Variants in SEMA3A observed in about 807,000 individuals in gnomAD.
SEMA3A encodes the protein semaphorin 3A, also known as semaphorin-3A.
A neutral mutation model predicts 97.9 loss-of-function variants in SEMA3A; 29 were observed. That is an observed-to-expected ratio of 0.30 (90% CI 0.22 to 0.40). The LOEUF is 0.40. Among genes scored for constraint, SEMA3A ranks in the 10% least tolerant of loss-of-function variants. The pLI, the probability that SEMA3A is intolerant of heterozygous loss-of-function variation, is 1.00. For missense variants in SEMA3A, 763 were observed against 951.3 expected (o/e 0.80, Z 2.60); for synonymous variants, 321 against 323.7 (o/e 0.99, Z 0.09).
At chr7:84,316,130 C>CAAAAAAAAAAA (rs202005657) in intron 2 of SEMA3A, among the ~76,000 whole-genome samples, 1 of 30,226 alleles carries the variant, frequency 3.3e-5, no homozygotes, top group African/African-American at 1.0e-4. Context: ...GACTCTATCT[C>CAAAAAAAAAAA]AAAAAAAAAA....
At chr7:83,985,617 C>T (rs958748818) in intron 12 of SEMA3A, 140 bp from the exon 13 acceptor site, 2 of 694,704 alleles carry the variant, frequency 2.9e-6, no homozygotes, top group African/African-American at 3.6e-5. Flanking sequence ...GGAAATAAGA[C>T]ACATAAAGAA....
chr7:84,045,374 G>T lies in SEMA3A; in HGVS notation c.667+950C>A, dbSNP rs1792307894. On this transcript the variant is annotated intron_variant, in intron 6 of 16. Coordinates refer to ENST00000265362, the MANE Select transcript of SEMA3A (RefSeq NM_006080.3). The stretch of plus-strand genomic sequence containing the variant: ...ATACAAGCAGGAAAAAATTCATGGA[G>T]GGATAATTGGAGATTGGGTGGCTTT... Among the ~76,000 whole-genome samples, 6 of 151,780 alleles carry T rather than the reference G, an allele frequency of 4.0e-5. No individual in the cohort carries two copies. The South Asian group carries it at 1.2e-3, about 31-fold the overall frequency.
At chr7:84,185,692 G>GAAAAAAAAAAA (rs71078810) in intron 1 of SEMA3A, among the ~76,000 whole-genome samples, 2 of 78,132 alleles carry the variant, frequency 2.6e-5, no homozygotes, top group African/African-American at 5.4e-5. Flanking sequence ...ACTCTGGCAG[G>GAAAAAAAAAAA]AAAAAAAAAA....
chr7:84,277,228 C>T (rs1263759011), intron 3 of SEMA3A, among the ~76,000 whole-genome samples: 1 of 151,824 alleles, frequency 6.6e-6, no homozygotes, highest in Non-Finnish European at 1.5e-5. Flanking sequence ...TTTCCAGTTG[C>T]AAATATTATT....
At chr7:84,397,893 T>TATTTAA (rs1452693734) in intron 1 of SEMA3A, among the ~76,000 whole-genome samples, 1 of 152,120 alleles carries the variant, frequency 6.6e-6, no homozygotes, top group South Asian at 2.1e-4. Context: ...GCCATGGGGT[T>TATTTAA]TTATGATAAT....
intron 15 of SEMA3A, among the ~76,000 whole-genome samples, chr7:83,974,914 A>ACC (rs1424076756): frequency 6.6e-6 from 1 of 151,950 alleles, no homozygotes; most frequent in African/African-American, 2.4e-5. Flanking sequence ...CCCCCAAAAG[A>ACC]CCCTGTAACA....
intron 1 of SEMA3A, among the ~76,000 whole-genome samples, chr7:84,414,320 T>G (rs1048832732): frequency 6.6e-6 from 1 of 151,892 alleles, no homozygotes; most frequent in Non-Finnish European, 1.5e-5. Context: ...AGTGAAAAAT[T>G]TGGTTGTGTA....
chr7:84,168,376 A>C (rs1797281046), intron 1 of SEMA3A, among the ~76,000 whole-genome samples: 2 of 152,032 alleles, frequency 1.3e-5, no homozygotes, highest in Non-Finnish European at 2.9e-5. Context: ...ACATGCTGAG[A>C]TAACAATTTA....
At chr7:84,092,717 T>A (rs1320667958) in intron 4 of SEMA3A, among the ~76,000 whole-genome samples, 1 of 152,086 alleles carries the variant, frequency 6.6e-6, no homozygotes, top group African/African-American at 2.4e-5. Context: ...CCAAAATAGA[T>A]CTTGAGGTAT....
intron 3 of SEMA3A, among the ~76,000 whole-genome samples, chr7:84,208,905 C>T (rs1193413062): frequency 6.6e-6 from 1 of 152,174 alleles, no homozygotes; most frequent in Non-Finnish European, 1.5e-5. Flanking sequence ...ACCTGAGTCT[C>T]ATTACCAGCA....
At chr7:84,357,552 T>A (rs1244941031) in intron 2 of SEMA3A, among the ~76,000 whole-genome samples, 2 of 152,198 alleles carry the variant, frequency 1.3e-5, no homozygotes. Flanking sequence ...ACATTTGGAT[T>A]GGTCCCAAGT....
intron 4 of SEMA3A, among the ~76,000 whole-genome samples, chr7:84,061,745 T>TA (rs1386512682): frequency 1.3e-5 from 2 of 151,848 alleles, no homozygotes; most frequent in Non-Finnish European, 2.9e-5. Context: ...GGACGAAAGT[T>TA]AAAAAAAAGG....
intron 2 of SEMA3A, among the ~76,000 whole-genome samples, chr7:84,358,413 T>G (rs1802626906): frequency 6.6e-6 from 1 of 152,180 alleles, no homozygotes; most frequent in Middle Eastern, 3.2e-3. Flanking sequence ...CCATTGCTTG[T>G]TTTTGTCAGG....
chr7:84,445,493 CAAAAAAAAAAAAAA>C (rs61298477), intron 1 of SEMA3A, among the ~76,000 whole-genome samples: 1 of 27,556 alleles, frequency 3.6e-5, no homozygotes, highest in Non-Finnish European at 7.9e-5. Context: ...GACTCCATCT[CAAAAAAAAAAAAAA>C]AAAAAAAAAA....
chr7:84,233,237 G>A (rs1799156044), intron 3 of SEMA3A, among the ~76,000 whole-genome samples: 1 of 151,688 alleles, frequency 6.6e-6, no homozygotes, highest in South Asian at 2.1e-4. Flanking sequence ...GTATTGTCTT[G>A]GGTAAAATTT....
chr7:84,231,549 C>T (rs760173912), intron 3 of SEMA3A, among the ~76,000 whole-genome samples: 2 of 151,922 alleles, frequency 1.3e-5, no homozygotes, highest in Non-Finnish European at 2.9e-5. Flanking sequence ...GTATGTTCCT[C>T]ATTTAATTTT....
At chr7:84,121,846 A>G (rs1795626329) in intron 3 of SEMA3A, among the ~76,000 whole-genome samples, 1 of 46,642 alleles carries the variant, frequency 2.1e-5, no homozygotes, top group African/African-American at 8.2e-5. Context: ...TCACCGTTTT[A>G]GCCGGGATGG....
upstream of SEMA3A, chr7:84,195,086 A>C (rs1490929929): frequency 6.6e-6 from 1 of 152,082 alleles, no homozygotes; most frequent in Non-Finnish European, 1.5e-5. Context: ...TCCTGTACGC[A>C]TGTAGAGGGA....
intron 9 of SEMA3A, among the ~76,000 whole-genome samples, chr7:84,008,480 G>C (rs1459872344): frequency 8.7e-6 from 1 of 115,116 alleles, no homozygotes; most frequent in African/African-American, 3.7e-5. Context: ...TACAGAACAA[G>C]ACTCCGTCTC....
Sources: allele counts gnomAD v4.1 joint callset (sites outside exome capture counted in the v4.1 genomes callset), GRCh38; gene constraint gnomAD v4.1.1; transcripts MANE v1.5; gene names NCBI Gene and HGNC (gene_info 2026-07-23, HGNC 2026-07-21).